The following IGSF9B variants were observed in gnomAD, a reference collection of about 807,000 sequenced individuals.
The protein encoded by IGSF9B is immunoglobulin superfamily member 9B, also known as protein turtle homolog B.
In IGSF9B, 48 loss-of-function variants were observed where a neutral mutation model predicts 143.7. That is an observed-to-expected ratio of 0.33 (90% CI 0.26 to 0.42). The LOEUF (loss-of-function observed/expected upper bound fraction) is 0.42. Ranked by LOEUF, IGSF9B falls within the 20% of genes least tolerant of loss-of-function variation. The pLI, the probability that IGSF9B is intolerant of heterozygous loss-of-function variation, is 1.00. For missense variants in IGSF9B, 1,706 were observed against 1,980.0 expected (o/e 0.86, Z 2.63); for synonymous variants, 903 against 833.1 (o/e 1.08, Z -1.44).
chr11:133,955,974 C>T (rs1423037104), intron 1 of IGSF9B, among the ~76,000 whole-genome samples: 1 of 151,756 alleles, frequency 6.6e-6, no homozygotes, highest in African/African-American at 2.4e-5. Flanking sequence ...CGCGCGGCTG[C>T]GGCGCGCTCC....
At chr11:133,929,556 G>A in intron 12 of IGSF9B, 115 bp downstream of exon 12, 1 of 714,504 alleles carries the variant, frequency 1.4e-6, no homozygotes, top group African/African-American at 1.7e-5. Context: ...AGGGCTGGCA[G>A]GCCAGGAACT....
intron 1 of IGSF9B, among the ~76,000 whole-genome samples, chr11:133,951,416 C>T (rs1174428258): frequency 6.6e-6 from 1 of 152,234 alleles, no homozygotes; most frequent in Non-Finnish European, 1.5e-5. Context: ...GGAGCCCCAG[C>T]CGCTCCTTAA....
chr11:133,916,258 A>C (rs1939380307), intron 18 of IGSF9B, among the ~76,000 whole-genome samples: 1 of 152,168 alleles, frequency 6.6e-6, no homozygotes, highest in South Asian at 2.1e-4. Context: ...GGGAGTTGGG[A>C]AGAGGAGAAA....
At position 133,914,133 on chromosome 11, in the gene IGSF9B, C is replaced by T. The variant is rs559036107; in HGVS notation, c.3984-2126G>A. On this transcript the variant is annotated intron_variant, in intron 18 of 19. Transcript: ENST00000533871. The stretch of plus-strand genomic sequence containing the variant: ...ATTTTTATCATCTAGCATTGATTTA[C>T]CACTTACCACAGCAGGCACTGCTGT... 2.0e-5 allele frequency among the ~76,000 whole-genome samples: 3 copies of T among 152,292 alleles called. No homozygotes were observed. In the South Asian group the frequency reaches 6.2e-4, roughly 32 times the overall value.
At chr11:133,940,327 CACCTCGCACG>C in intron 3 of IGSF9B, among the ~76,000 whole-genome samples, 1 of 145,758 alleles carries the variant, frequency 6.9e-6, no homozygotes, top group African/African-American at 2.6e-5. Flanking sequence ...CAGAAACATA[CACCTCGCACG>C]TCCTCGCACG....
In IGSF9B at chr11:133,897,080, TGCCTGC is replaced by T. The variant is rs1939031309; in HGVS notation, c.*11983_*11988del. 1 of 152,010 alleles carries T rather than the reference TGCCTGC, an allele frequency of 6.6e-6. No individual in the cohort carries two copies. The highest frequency in any genetic ancestry group is 1.5e-5 in the Non-Finnish European group (1 of 68,036). The allele number at this position is 152,010 out of a possible 1,614,324, so 9.4% of individuals were successfully genotyped here. On this transcript the variant is annotated 3_prime_UTR_variant, in exon 20 of 20. Transcript: ENST00000533871. ...AAGTCTGTGATTTGGTGGCTGGGGG[TGCCTGC>T]CCATTGGAAGGGCCCCTTATAAATG...
intron 7 of IGSF9B, among the ~76,000 whole-genome samples, chr11:133,933,247 G>A (rs927583119): frequency 2.6e-5 from 4 of 152,124 alleles, no homozygotes; most frequent in Admixed American, 1.3e-4. Flanking sequence ...GACCCCTAGC[G>A]TCAAAGCCAG....
At chr11:133,934,643 G>A (rs904005346) in intron 7 of IGSF9B, among the ~76,000 whole-genome samples, 1 of 152,164 alleles carries the variant, frequency 6.6e-6, no homozygotes, top group African/African-American at 2.4e-5. Context: ...CTCAGCAGGC[G>A]CAGCGTGCTC....
Position 133,922,705 on chromosome 11 carries a change from G to A in IGSF9B, c.2145C>T (p.Thr715=), listed in dbSNP as rs754109094. The part of the protein sequence containing the change: ...STDIFPQPDL[T]EDGLARPVLA... ...GCACAGGCCGCGCCAGCCCATCCTC[G>A]GTCAGGTCCGGCTGCGGGAAGATGT... The change falls in exon 16 of 20, where the codon ACC becomes ACT. Residue 715 remains threonine, a synonymous_variant. Transcript: ENST00000533871. The A allele has an allele frequency of 2.0e-5, 31 of 1,578,986 alleles. No individual in the cohort carries two copies. The highest frequency in any genetic ancestry group is 1.9e-4 in the Middle Eastern group (1 of 5,388).
chr11:133,933,514 G>C (rs961738887), intron 7 of IGSF9B, among the ~76,000 whole-genome samples: 2 of 152,186 alleles, frequency 1.3e-5, no homozygotes, highest in African/African-American at 4.8e-5. Flanking sequence ...GGGAGGCTGG[G>C]GTGGGAGGAC....
intron 1 of IGSF9B, 36 bp downstream of exon 1, chr11:133,956,655 G>T: frequency 6.9e-7 from 1 of 1,450,592 alleles, no homozygotes; most frequent in East Asian, 2.8e-5. Context: ...GAGGGCGCCG[G>T]GAGGGGCAGG....
chr11:133,919,628 G>C, intron 18 of IGSF9B, 114 bp downstream of exon 18: 1 of 697,810 alleles, frequency 1.4e-6, no homozygotes, highest in Non-Finnish European at 2.1e-6. Flanking sequence ...CGCCGGTGCG[G>C]CATGTCCGCA....
In IGSF9B at chr11:133,919,870, A is replaced by C. The variant is rs1225012044; in HGVS notation, c.3855T>G (p.Pro1285=). 3 of 1,583,046 alleles carry C rather than the reference A, an allele frequency of 1.9e-6. No individual in the cohort carries two copies. The highest frequency in any genetic ancestry group is 1.8e-5 in the Admixed American group (1 of 55,796). Residue 1285 remains proline (P), a synonymous_variant, in exon 18 of 20, where the codon CCT becomes CCG. Transcript: ENST00000533871. Reference sequence around the variant, plus strand: ...GCCCAGCAGGGGCGGGGCCGGGTGGAGGGGAAGGGTAGCCGGTGGCCAGAG... The same window carrying C: ...GCCCAGCAGGGGCGGGGCCGGGTGGCGGGGAAGGGTAGCCGGTGGCCAGAG... ...FTTLATGYPS[P]PPGPAPAGPG...
Position 133,919,917 on chromosome 11 carries a change from G to T in IGSF9B, c.3808C>A (p.Arg1270=). Residue 1270 remains arginine, a synonymous_variant, in exon 18 of 20, where the codon CGG becomes AGG. Transcript: ENST00000533871. ...AGAGTGGTGAAGCCCATGGCGGGCCGGTAGCTGGGACTCCCACTGCGGCTG... is the reference window on the plus strand; with the variant it reads ...AGAGTGGTGAAGCCCATGGCGGGCCTGTAGCTGGGACTCCCACTGCGGCTG... ...QSSRSGSPSY[R]PAMGFTTLAT... 1.9e-6 allele frequency: 3 copies of T among 1,564,784 alleles called. No individual in the cohort carries two copies. Among genetic ancestry groups the T allele is most frequent in the South Asian group, 2.4e-5 (2 of 84,594 alleles).
chr11:133,897,006 C>T lies in IGSF9B; in HGVS notation c.*12063G>A, dbSNP rs1377184032. On this transcript the variant is annotated 3_prime_UTR_variant, in exon 20 of 20. Coordinates refer to ENST00000533871, the MANE Select transcript of IGSF9B (RefSeq NM_001277285.4). ...TCCCTGCAGGAAGAACCCTCTTCCC[C>T]AGGAAAGCAAGGAAGGGTTCGGGAG... 1 of 152,230 alleles carries T rather than the reference C, an allele frequency of 6.6e-6. No homozygotes were observed. The highest frequency in any genetic ancestry group is 1.5e-5 in the Non-Finnish European group (1 of 68,118). The allele number at this position is 152,230 out of a possible 1,614,324, so 9.4% of individuals were successfully genotyped here. A position where few individuals can be genotyped will look rare whatever the true frequency, so the allele number is the denominator to read the frequency against.
At chr11:133,940,721 C>T (rs1032462801) in intron 3 of IGSF9B, among the ~76,000 whole-genome samples, 4 of 148,774 alleles carry the variant, frequency 2.7e-5, no homozygotes, top group African/African-American at 7.4e-5. Context: ...TGTCCTCGCA[C>T]GCGTCATCAC....
intron 1 of IGSF9B, among the ~76,000 whole-genome samples, chr11:133,955,195 A>ACAGGCAGACTGTCAAGCG (rs2079786796): frequency 6.6e-6 from 1 of 152,150 alleles, no homozygotes; most frequent in Non-Finnish European, 1.5e-5. Flanking sequence ...GGATGAGGCT[A>ACAGGCAGACTGTCAAGCG]CAGGCAGACT....
intron 1 of IGSF9B, among the ~76,000 whole-genome samples, chr11:133,955,913 G>A (rs1047376416): frequency 1.3e-5 from 2 of 148,782 alleles, no homozygotes; most frequent in Non-Finnish European, 3.0e-5. Context: ...CTCCCCCGCC[G>A]CCGCCCCCAG....
At chr11:133,952,037 C>A (rs1408930663) in intron 1 of IGSF9B, 4 of 455,438 alleles carry the variant, frequency 8.8e-6, no homozygotes, top group Admixed American at 4.7e-5. Context: ...GAAAGCCAGG[C>A]TGAGCGGGAC....
Sources: gnomAD v4.1 joint callset for allele counts (sites outside exome capture counted in the v4.1 genomes callset) on GRCh38, gnomAD v4.1.1 for gene constraint, MANE v1.5 for transcripts, NCBI Gene and HGNC (gene_info 2026-07-23, HGNC 2026-07-21) for gene names.